Variants in CACNA2D1 observed in about 807,000 individuals in gnomAD.
The protein encoded by CACNA2D1 is calcium voltage-gated channel auxiliary subunit alpha2delta 1.
CACNA2D1 carries 53 observed loss-of-function variants against 171.5 expected under a neutral mutation model. The ratio of observed to expected loss-of-function variants is 0.31; its 90% confidence interval spans 0.25 to 0.39. CACNA2D1 has a LOEUF of 0.39. CACNA2D1 is among the 10% of genes least tolerant of loss of function. The pLI is 1.00. For synonymous variants in CACNA2D1, 442 were observed against 443.1 expected, an observed-to-expected ratio of 1.00 and a Z score of 0.03; for missense variants, 903 against 1,299.8, an observed-to-expected ratio of 0.69 and a Z score of 4.69.
chr7:81,951,165 C>T (rs532998772), intron 38 of CACNA2D1, among the ~76,000 whole-genome samples: 1 of 152,106 alleles, frequency 6.6e-6, no homozygotes, highest in South Asian at 2.1e-4. Context: ...TTGAGACAAC[C>T]AAGAAATATT....
chr7:82,017,998 A>C (rs555811939), intron 12 of CACNA2D1, among the ~76,000 whole-genome samples: 1 of 152,262 alleles, frequency 6.6e-6, no homozygotes, highest in South Asian at 2.1e-4. Flanking sequence ...GCACATGAAA[A>C]CTTTTCTGTT....
intron 21 of CACNA2D1, among the ~76,000 whole-genome samples, chr7:81,989,236 C>T (rs370898324): frequency 6.6e-6 from 1 of 152,138 alleles, no homozygotes; most frequent in East Asian, 1.9e-4. Context: ...ACAGAGCTGA[C>T]GGTCAGTAAG....
chr7:82,302,943 T>C (rs981772447), intron 3 of CACNA2D1, among the ~76,000 whole-genome samples: 1 of 152,144 alleles, frequency 6.6e-6, no homozygotes, highest in African/African-American at 2.4e-5. Context: ...ATAGGAGGCA[T>C]GATGATATGT....
chr7:81,959,390 GT>G (rs770241654), intron 37 of CACNA2D1, 33 bp from the exon 38 acceptor site: 160 of 1,415,542 alleles, frequency 1.1e-4, no homozygotes, highest in Non-Finnish European at 1.6e-4. Flanking sequence ...TCTCATGTTA[GT>G]TTTTTTCACA....
At chr7:82,092,998 G>C in intron 6 of CACNA2D1, among the ~76,000 whole-genome samples, 1 of 150,948 alleles carries the variant, frequency 6.6e-6, no homozygotes, top group African/African-American at 2.4e-5. Context: ...AAAGTGTGTG[G>C]TTTTTTTTTG....
chr7:82,068,388 C>T (rs561474531), intron 7 of CACNA2D1, among the ~76,000 whole-genome samples: 1 of 152,168 alleles, frequency 6.6e-6, no homozygotes, highest in Admixed American at 6.6e-5. Flanking sequence ...ATGACCATGG[C>T]CTCTACAAGA....
intron 1 of CACNA2D1, among the ~76,000 whole-genome samples, chr7:82,364,986 C>T (rs553644638): frequency 1.4e-4 from 22 of 152,148 alleles, no homozygotes; most frequent in African/African-American, 5.3e-4. Context: ...CCAATTCTCC[C>T]TCAATTTATA....
At chr7:82,111,308 A>G (rs1008132470) in intron 6 of CACNA2D1, among the ~76,000 whole-genome samples, 8 of 103,180 alleles carry the variant, frequency 7.8e-5, no homozygotes, top group Non-Finnish European at 1.0e-4. Context: ...ATATATATAT[A>G]TATATACGTG....
At chr7:82,402,705 CAAAAAAAAAAAAAAA>C (rs59290672) in intron 1 of CACNA2D1, among the ~76,000 whole-genome samples, 1 of 64,824 alleles carries the variant, frequency 1.5e-5, no homozygotes, top group Non-Finnish European at 2.8e-5. Context: ...GACTCTGTCT[CAAAAAAAAAAAAAAA>C]AAAAAAAAAA....
At position 82,032,828 on chromosome 7, in the gene CACNA2D1, T is replaced by G. The variant is rs776964830; in HGVS notation, c.1112A>C (p.Glu371Ala). 6.3e-7 allele frequency: 1 copy of G among 1,583,328 alleles called. No homozygotes were observed. The highest frequency in any genetic ancestry group is 8.7e-7 in the Non-Finnish European group (1 of 1,153,580). ...ATCTTTATTGTATTTGTTAAATATC[T>G]CCTGGGCTCTCTCTTCTCCTCCATC... ...FTDGGEERAQ[E>A]IFNKYNKDKK... The change falls in exon 12 of 39, where the codon GAG becomes GCG. Residue 371 changes from glutamate (E) to alanine (A), a missense_variant. By Grantham distance (107) the Glu-to-Ala change is moderately radical (BLOSUM62 -1). Coordinates refer to ENST00000356860, the MANE Select transcript of CACNA2D1 (RefSeq NM_000722.4).
At chr7:82,408,866 T>A (rs1487810939) in intron 1 of CACNA2D1, among the ~76,000 whole-genome samples, 1 of 152,124 alleles carries the variant, frequency 6.6e-6, no homozygotes, top group African/African-American at 2.4e-5. Context: ...AGAAGACAAT[T>A]TAAGGCAATT....
At chr7:82,059,625 G>C (rs1032117353) in intron 10 of CACNA2D1, among the ~76,000 whole-genome samples, 1 of 151,926 alleles carries the variant, frequency 6.6e-6, no homozygotes, top group Non-Finnish European at 1.5e-5. Context: ...TTTATTTATA[G>C]TCATTACTTC....
chr7:82,107,772 C>A (rs1787928418), intron 6 of CACNA2D1, among the ~76,000 whole-genome samples: 2 of 151,752 alleles, frequency 1.3e-5, no homozygotes, highest in East Asian at 3.9e-4. Context: ...TTAGTAGAGG[C>A]AGGGTTTCAC....
At chr7:82,321,423 A>G (rs906416899) in intron 3 of CACNA2D1, among the ~76,000 whole-genome samples, 8 of 152,152 alleles carry the variant, frequency 5.3e-5, no homozygotes, top group African/African-American at 1.9e-4. Context: ...ATAATAAAAT[A>G]AAATAGAGTC....
At chr7:82,070,614 C>T (rs986867853) in intron 7 of CACNA2D1, among the ~76,000 whole-genome samples, 2 of 152,110 alleles carry the variant, frequency 1.3e-5, no homozygotes, top group African/African-American at 4.8e-5. Context: ...AGAAAGCAGT[C>T]TCAAGTCCTA....
rs1276022507 is a variant in CACNA2D1, at chr7:82,443,751, G to C, written c.-292C>G. ...CGACTTTGGAAACAGACCTCGGCGA[G>C]CCCGCCGGCGCTCGCGCGCTCTCGC... is the stretch of plus-strand genomic sequence containing the variant. On this transcript the variant is annotated 5_prime_UTR_variant, in exon 1 of 39. Transcript: ENST00000356860. 4 of 1,177,226 alleles carry C rather than the reference G, an allele frequency of 3.4e-6. No individual in the cohort carries two copies. Among genetic ancestry groups the C allele is most frequent in the South Asian group, 4.3e-5 (1 of 23,364 alleles). The allele number at this position is 1,177,226 out of a possible 1,614,324, so 72.9% of individuals were successfully genotyped here.
chr7:82,326,264 C>T (rs1262792168), intron 3 of CACNA2D1, among the ~76,000 whole-genome samples: 1 of 152,064 alleles, frequency 6.6e-6, no homozygotes, highest in Non-Finnish European at 1.5e-5. Context: ...CAAGAATATG[C>T]CATAGACACT....
At chr7:82,233,430 T>C (rs1282433083) in intron 3 of CACNA2D1, among the ~76,000 whole-genome samples, 1 of 152,174 alleles carries the variant, frequency 6.6e-6, no homozygotes, top group African/African-American at 2.4e-5. Context: ...GAAATCATGC[T>C]TTTAACACCA....
intron 24 of CACNA2D1, among the ~76,000 whole-genome samples, chr7:81,976,182 G>C (rs1795815305): frequency 6.6e-6 from 1 of 152,116 alleles, no homozygotes; most frequent in South Asian, 2.1e-4. Flanking sequence ...CAGGTAGCGT[G>C]ATGTCTCTAG....
Sources: gnomAD v4.1 joint callset for allele counts (sites outside exome capture counted in the v4.1 genomes callset) on GRCh38, gnomAD v4.1.1 for gene constraint, MANE v1.5 for transcripts, NCBI Gene and HGNC (gene_info 2026-07-23, HGNC 2026-07-21) for gene names.